Variants in GRM1 observed in about 807,000 individuals in gnomAD.
GRM1 encodes metabotropic glutamate receptor 1.
In GRM1, 33 loss-of-function variants were observed where a neutral mutation model predicts 90.9. That is an observed-to-expected ratio of 0.36 (90% CI 0.28 to 0.49). The LOEUF is 0.49. Among genes scored for constraint, GRM1 ranks in the 20% least tolerant of loss-of-function variants. GRM1 has a pLI of 0.99. For missense variants in GRM1, 1,190 were observed against 1,534.3 expected, an observed-to-expected ratio of 0.78 and a Z score of 3.75; for synonymous variants, 700 against 613.2, an observed-to-expected ratio of 1.14 and a Z score of -2.09.
At chr6:146,037,765 C>A (rs1378340410) in intron 1 of GRM1, among the ~76,000 whole-genome samples, 1 of 151,972 alleles carries the variant, frequency 6.6e-6, no homozygotes, top group Non-Finnish European at 1.5e-5. Context: ...ACCCACTTAC[C>A]CTGACCACAA....
At chr6:146,254,323 A>T (rs571670955) in intron 2 of GRM1, among the ~76,000 whole-genome samples, 38 of 152,102 alleles carry the variant, frequency 2.5e-4, no homozygotes, top group Non-Finnish European at 4.9e-4. Context: ...GACCCCTTCC[A>T]GCTTCCACAC....
intron 3 of GRM1, among the ~76,000 whole-genome samples, chr6:146,336,506 T>A (rs561936352): frequency 5.3e-5 from 8 of 152,116 alleles, no homozygotes; most frequent in Admixed American, 4.6e-4. Flanking sequence ...GGGAACAGAG[T>A]CTTCCTGATG....
chr6:146,054,812 A>AT (rs1314990580), intron 1 of GRM1, among the ~76,000 whole-genome samples: 1 of 152,094 alleles, frequency 6.6e-6, no homozygotes, highest in African/African-American at 2.4e-5. Flanking sequence ...TGTGTGTATA[A>AT]TTTTTCCCCA....
chr6:146,317,213 A>G (rs944510775), intron 3 of GRM1, among the ~76,000 whole-genome samples: 1 of 152,206 alleles, frequency 6.6e-6, no homozygotes, highest in Admixed American at 6.5e-5. Flanking sequence ...CTGAGTTTTC[A>G]TGGGTCTTTT....
chr6:146,202,127 AT>A, intron 2 of GRM1, among the ~76,000 whole-genome samples: 1 of 152,324 alleles, frequency 6.6e-6, no homozygotes, highest in African/African-American at 2.4e-5. Flanking sequence ...AATATATATT[AT>A]TTCCACCATG....
chr6:146,162,615 T>C (rs374610375), intron 2 of GRM1, among the ~76,000 whole-genome samples: 2 of 152,154 alleles, frequency 1.3e-5, no homozygotes, highest in African/African-American at 4.8e-5. Context: ...TCACCTCACA[T>C]GCCTAATGCC....
chr6:146,215,563 G>T (rs574916458), intron 2 of GRM1, among the ~76,000 whole-genome samples: 10 of 152,088 alleles, frequency 6.6e-5, no homozygotes, highest in African/African-American at 2.4e-4. Flanking sequence ...TTAGAATAGT[G>T]TTCCTATAAG....
chr6:146,307,112 T>G (rs1446246069), intron 3 of GRM1, among the ~76,000 whole-genome samples: 1 of 152,112 alleles, frequency 6.6e-6, no homozygotes, highest in Non-Finnish European at 1.5e-5. Context: ...ATATTTTGGG[T>G]TTTTAATTGT....
At chr6:146,046,794 C>G (rs998637401) in intron 1 of GRM1, among the ~76,000 whole-genome samples, 1 of 151,560 alleles carries the variant, frequency 6.6e-6, no homozygotes, top group African/African-American at 2.4e-5. Context: ...TTATGGGTAC[C>G]CTGCAGTTCT....
At chr6:146,430,030 CT>C (rs1778353100) in intron 7 of GRM1, among the ~76,000 whole-genome samples, 1 of 152,200 alleles carries the variant, frequency 6.6e-6, no homozygotes, top group African/African-American at 2.4e-5. Context: ...CACCCACCCA[CT>C]GTTATTCCCA....
intron 1 of GRM1, among the ~76,000 whole-genome samples, chr6:146,110,401 A>G (rs902272100): frequency 5.3e-5 from 8 of 152,164 alleles, no homozygotes; most frequent in African/African-American, 1.7e-4. Context: ...GCCATGTGAG[A>G]TGTGCCTTTC....
intron 1 of GRM1, among the ~76,000 whole-genome samples, chr6:146,042,464 T>A (rs993021885): frequency 1.3e-5 from 2 of 151,940 alleles, no homozygotes; most frequent in African/African-American, 2.4e-5. Context: ...TTGAAGATAA[T>A]TGATCAAGCA....
chr6:146,135,607 G>C (rs1241302628), intron 1 of GRM1, among the ~76,000 whole-genome samples: 1 of 152,194 alleles, frequency 6.6e-6, no homozygotes. Context: ...CATTGAGGCA[G>C]AACCAACCAC....
At chr6:146,104,256 C>T (rs1213416050) in intron 1 of GRM1, among the ~76,000 whole-genome samples, 2 of 152,068 alleles carry the variant, frequency 1.3e-5, no homozygotes, top group African/African-American at 4.8e-5. Context: ...CTGGCTAACA[C>T]GGTGAAACCC....
At chr6:146,043,796 T>TATATATATATAGATATAG (rs1554260531) in intron 1 of GRM1, among the ~76,000 whole-genome samples, 3 of 137,940 alleles carry the variant, frequency 2.2e-5, no homozygotes, top group East Asian at 2.1e-4. Flanking sequence ...TATATATATA[T>TATATATATATAGATATAG]ATATATATAT....
intron 2 of GRM1, among the ~76,000 whole-genome samples, chr6:146,233,779 A>ATAT (rs1443981140): frequency 3.3e-5 from 5 of 152,146 alleles, no homozygotes; most frequent in Admixed American, 6.6e-5. Flanking sequence ...ATATCAAACT[A>ATAT]TAGTTAGACG....
At chr6:146,313,370 G>T (rs1020371627) in intron 3 of GRM1, among the ~76,000 whole-genome samples, 1 of 152,104 alleles carries the variant, frequency 6.6e-6, no homozygotes, top group Non-Finnish European at 1.5e-5. Context: ...GGTTCAGCTT[G>T]CCTTCCAAAC....
chr6:146,377,295 A>G lies in GRM1; in HGVS notation c.1603-9595A>G, dbSNP rs374101263. ...TCAGAAGAAGACAGGAAAGTGTAGG[A>G]AAGTTTGGAACTTCCTAGAGACTTA... On this transcript the variant is annotated intron_variant, in intron 5 of 7. Coordinates refer to ENST00000282753, the MANE Select transcript of GRM1 (RefSeq NM_001278064.2). Among the ~76,000 whole-genome samples, 48 of 152,260 alleles carry G rather than the reference A, an allele frequency of 3.2e-4. No individual in the cohort carries two copies. The East Asian group carries it at 5.2e-3, about 17-fold the overall frequency.
chr6:146,223,629 T>C (rs543813683), intron 2 of GRM1, among the ~76,000 whole-genome samples: 68 of 152,246 alleles, frequency 4.5e-4, no homozygotes, highest in Non-Finnish European at 7.4e-4. Context: ...CACTAAAATA[T>C]ACTTGCATAA....
Sources: allele counts gnomAD v4.1 joint callset (sites outside exome capture counted in the v4.1 genomes callset), GRCh38; gene constraint gnomAD v4.1.1; transcripts MANE v1.5; gene names NCBI Gene and HGNC (gene_info 2026-07-23, HGNC 2026-07-21).